The following EXOC2 variants were observed in gnomAD, a reference collection of about 807,000 sequenced individuals.
The protein encoded by EXOC2 is SEC5-like 1.
EXOC2 carries 70 observed loss-of-function variants against 131.8 expected under a neutral mutation model. The ratio of observed to expected loss-of-function variants is 0.53; its 90% CI spans 0.44 to 0.65. The LOEUF (loss-of-function observed/expected upper bound fraction) is 0.65, where lower values mean the gene tolerates loss of function less well. Ranked by LOEUF, EXOC2 falls within the 30% of genes least tolerant of loss-of-function variation. The pLI is 0.00. For synonymous variants in EXOC2, 411 were observed against 398.4 expected (o/e 1.03, Z -0.38); for missense variants, 923 against 1,108.6 (o/e 0.83, Z 2.38).
At chr6:635,826 A>AC (rs1762073546) in intron 2 of EXOC2, among the ~76,000 whole-genome samples, 1 of 152,240 alleles carries the variant, frequency 6.6e-6, no homozygotes, top group Admixed American at 6.5e-5. Context: ...ACTTTGGGAG[A>AC]CCGAGGCAGG....
Position 575,544 on chromosome 6 carries a change from G to A in EXOC2, c.1318+1213C>T, listed in dbSNP as rs981725900. 2.8e-4 allele frequency among the ~76,000 whole-genome samples: 24 copies of A among 85,550 alleles called. No individual in the cohort carries two copies. The Admixed American group carries it at 3.2e-3, about 12-fold the overall frequency. 56.1% of individuals were successfully genotyped at this position (85,550 alleles called of 152,430 possible). On this transcript the variant is annotated intron_variant, in intron 12 of 27. Coordinates refer to ENST00000230449, the MANE Select transcript of EXOC2 (RefSeq NM_018303.6). The stretch of plus-strand genomic sequence containing the variant: ...TCCCTCGCTCCATCTCCTGCCATGC[G>A]ACATGCTGGCTCCCCTTTTGCCTTC...
At chr6:590,387 A>AAT (rs1245895533) in intron 11 of EXOC2, among the ~76,000 whole-genome samples, 1 of 152,172 alleles carries the variant, frequency 6.6e-6, no homozygotes, top group Non-Finnish European at 1.5e-5. Context: ...CATAGAAAAA[A>AAT]ATGGCATCAG....
At chr6:525,950 T>C (rs1224253557) in intron 23 of EXOC2, among the ~76,000 whole-genome samples, 1 of 152,200 alleles carries the variant, frequency 6.6e-6, no homozygotes, top group Non-Finnish European at 1.5e-5. Context: ...TGTTTAGATA[T>C]ATAACAAATT....
chr6:488,581 A>T (rs937853476), intron 27 of EXOC2, among the ~76,000 whole-genome samples: 2 of 152,146 alleles, frequency 1.3e-5, no homozygotes, highest in Non-Finnish European at 2.9e-5. Context: ...AATTACTCAA[A>T]AATTAAAAAA....
In EXOC2 at chr6:594,861, T is replaced by C. The variant is rs570359998; in HGVS notation, c.1074-2274A>G. On this transcript the variant is annotated intron_variant, in intron 10 of 27. Transcript: ENST00000230449. Reference sequence around the variant, plus strand: ...ATGCAGCTAAAAATAAGTAGTTACATTTCAAAACTCTGTTTAGAATGATAC... The same window carrying C: ...ATGCAGCTAAAAATAAGTAGTTACACTTCAAAACTCTGTTTAGAATGATAC... 1.2e-4 allele frequency among the ~76,000 whole-genome samples: 19 copies of C among 152,356 alleles called. No individual in the cohort carries two copies. The East Asian group carries it at 3.7e-3, about 29-fold the overall frequency.
At chr6:689,613 C>G (rs1764824671) in intron 1 of EXOC2, among the ~76,000 whole-genome samples, 2 of 152,192 alleles carry the variant, frequency 1.3e-5, no homozygotes, top group African/African-American at 4.8e-5. Context: ...CTCAATACTA[C>G]AGAGTTTAGT....
intron 1 of EXOC2, among the ~76,000 whole-genome samples, chr6:649,019 CTT>C (rs1762711639): frequency 6.6e-6 from 1 of 152,078 alleles, no homozygotes; most frequent in African/African-American, 2.4e-5. Context: ...GGCCCTAACT[CTT>C]TTCTTTGTAA....
intron 22 of EXOC2, among the ~76,000 whole-genome samples, chr6:535,198 G>A (rs1461874006): frequency 6.6e-6 from 1 of 152,000 alleles, no homozygotes; most frequent in East Asian, 1.9e-4. Context: ...AGGATCTTTG[G>A]AAATAATAAT....
chr6:497,480 T>C lies in EXOC2; in HGVS notation c.2446A>G (p.Ile816Val), dbSNP rs571489303. The part of the protein sequence containing the change: ...IIAVHAEVFT[I>V]SKELVPRVLS... Reference sequence around the variant, plus strand: ...ACCCGAGGGACCAGTTCTTTGGAAATGGTGAACACCTGGTTTGAAATAGGA... The same window carrying C: ...ACCCGAGGGACCAGTTCTTTGGAAACGGTGAACACCTGGTTTGAAATAGGA... Residue 816 changes from isoleucine to valine, a missense_variant, in exon 25 of 28, where the codon ATT becomes GTT. Physicochemically the swap from Ile to Val is conservative, Grantham distance 29 (BLOSUM62 3). Coordinates refer to ENST00000230449, the MANE Select transcript of EXOC2 (RefSeq NM_018303.6). 3.1e-6 allele frequency: 5 copies of C among 1,610,976 alleles called. No individual in the cohort carries two copies. The South Asian group carries it at 5.5e-5, about 18-fold the overall frequency.
chr6:508,209 C>T lies in EXOC2; in HGVS notation c.2381-8509G>A, dbSNP rs563229867. ...TGCAGAGATTTCACATATGCCGTCC[C>T]GCCCGCCACCACATACACACGGCCG... On this transcript the variant is annotated intron_variant, in intron 23 of 27. Transcript: ENST00000230449. Among the ~76,000 whole-genome samples, 25 of 152,266 alleles carry T rather than the reference C, an allele frequency of 1.6e-4. No individual in the cohort carries two copies. In the South Asian group the frequency reaches 5.0e-3, roughly 30 times the overall value.
intron 22 of EXOC2, among the ~76,000 whole-genome samples, chr6:534,549 A>G (rs1237516760): frequency 6.6e-6 from 1 of 152,254 alleles, no homozygotes; most frequent in African/African-American, 2.4e-5. Flanking sequence ...TCTCACATGC[A>G]GTACTGGGAG....
In EXOC2 at chr6:564,145, A is replaced by G. The variant is rs2277095; in HGVS notation, c.1677T>C (p.His559=). ...AHAIQTVRLT[H]ESLTALEIPN... ...GAATTTCAAGGGCAGTCAACGATTC[A>G]TGAGTAAGTCTGCGAACAAACACAT... The change falls in exon 16 of 28, where the codon CAT becomes CAC. Residue 559 remains histidine, a synonymous_variant. Transcript: ENST00000230449. The G allele has an allele frequency of 0.045, 73,063 of 1,613,718 alleles. 5,338 individuals carry two copies. Among genetic ancestry groups the G allele is most frequent in the East Asian group, 0.4 (18,135 of 44,854 alleles).
chr6:583,364 A>G (rs1311269922), intron 11 of EXOC2, among the ~76,000 whole-genome samples: 1 of 152,236 alleles, frequency 6.6e-6, no homozygotes, highest in Non-Finnish European at 1.5e-5. Flanking sequence ...AAGCCAGGGC[A>G]GTGGAAAAGA....
intron 17 of EXOC2, among the ~76,000 whole-genome samples, chr6:561,591 C>CT (rs1757700362): frequency 6.6e-6 from 1 of 152,014 alleles, no homozygotes; most frequent in African/African-American, 2.4e-5. Flanking sequence ...GGATTGCTAT[C>CT]TTTTTTTCTT....
At chr6:578,417 C>A (rs1758703195) in intron 11 of EXOC2, among the ~76,000 whole-genome samples, 1 of 152,002 alleles carries the variant, frequency 6.6e-6, no homozygotes, top group African/African-American at 2.4e-5. Context: ...AGAAAATAAA[C>A]CAATAGATAA....
intron 1 of EXOC2, among the ~76,000 whole-genome samples, chr6:685,743 TA>T (rs1764613079): frequency 6.6e-6 from 1 of 151,984 alleles, no homozygotes; most frequent in African/African-American, 2.4e-5. Context: ...AAAGAACTCA[TA>T]GGGGCCAAAT....
intron 17 of EXOC2, among the ~76,000 whole-genome samples, chr6:557,340 C>G (rs1236326986): frequency 6.6e-6 from 1 of 152,046 alleles, no homozygotes; most frequent in African/African-American, 2.4e-5. Context: ...TAGAATTTGG[C>G]CGGGCGCAGT....
chr6:551,620 A>G (rs553481923), intron 21 of EXOC2, among the ~76,000 whole-genome samples: 54 of 152,288 alleles, frequency 3.5e-4, no homozygotes, highest in African/African-American at 1.3e-3. Flanking sequence ...GACACAGCAC[A>G]CCAGGAGGGA....
intron 12 of EXOC2, among the ~76,000 whole-genome samples, chr6:574,810 T>C (rs11758772): frequency 0.49 from 74,461 of 152,104 alleles, 19,467 homozygotes; most frequent in Admixed American, 0.63. Flanking sequence ...ACCAATTGAA[T>C]ACACCATGAT....
Sources: gnomAD v4.1 joint callset for allele counts (sites outside exome capture counted in the v4.1 genomes callset) on GRCh38, gnomAD v4.1.1 for gene constraint, MANE v1.5 for transcripts, NCBI Gene and HGNC (gene_info 2026-07-23, HGNC 2026-07-21) for gene names.